Variants in MBOAT2 observed in about 807,000 individuals in gnomAD.
MBOAT2 encodes membrane-bound glycerophospholipid O-acyltransferase 2.
MBOAT2 carries 28 observed loss-of-function variants against 63.4 expected under a neutral mutation model. That is an observed-to-expected ratio of 0.44 (90% CI 0.33 to 0.61). The LOEUF (loss-of-function observed/expected upper bound fraction) is 0.61. Among genes scored for constraint, MBOAT2 ranks in the 20% least tolerant of loss-of-function variants. MBOAT2 has a pLI of 0.03. For synonymous variants in MBOAT2, 211 were observed against 215.6 expected, an observed-to-expected ratio of 0.98 and a Z score of 0.19; for missense variants, 470 against 605.8, an observed-to-expected ratio of 0.78 and a Z score of 2.35.
intron 1 of MBOAT2, among the ~76,000 whole-genome samples, chr2:8,991,064 G>A (rs1243055263): frequency 6.6e-6 from 1 of 152,128 alleles, no homozygotes; most frequent in African/African-American, 2.4e-5. Flanking sequence ...AAGAACAGCT[G>A]TGTCAGTCCT....
chr2:8,862,086 C>T lies in MBOAT2; in HGVS notation c.1185+504G>A, dbSNP rs79357442. Among the ~76,000 whole-genome samples, 606 of 152,286 alleles carry T rather than the reference C, an allele frequency of 4.0e-3. 2 individuals carry two copies. The highest frequency in any genetic ancestry group is 0.01 in the Middle Eastern group (3 of 294). ...CTTCTCCTTATTTCTTTCATGTCAC[C>T]AACCTAATTTCTCAATTGTTTCCCC... On this transcript the variant is annotated intron_variant, in intron 11 of 12. Coordinates refer to ENST00000305997, the MANE Select transcript of MBOAT2 (RefSeq NM_138799.4). The surrounding 1 kb of genome is among the most constrained non-coding windows in gnomAD (Gnocchi z 4.3).
At chr2:8,880,099 A>C (rs1663002510) in intron 6 of MBOAT2, among the ~76,000 whole-genome samples, 1 of 152,068 alleles carries the variant, frequency 6.6e-6, no homozygotes, top group Non-Finnish European at 1.5e-5. Flanking sequence ...GGACAGGAGT[A>C]ATATAATCCA....
intron 3 of MBOAT2, among the ~76,000 whole-genome samples, chr2:8,910,310 G>C (rs746599856): frequency 6.6e-6 from 1 of 152,054 alleles, no homozygotes; most frequent in Admixed American, 6.6e-5. Context: ...AAGGAGAGAG[G>C]AGCAGCGTGG....
intron 3 of MBOAT2, among the ~76,000 whole-genome samples, chr2:8,931,184 C>T (rs563880955): frequency 6.6e-6 from 1 of 152,200 alleles, no homozygotes; most frequent in Non-Finnish European, 1.5e-5. Context: ...CACAGCCTCA[C>T]CAGCATGTTG....
chr2:8,910,666 G>A (rs1395813143), intron 3 of MBOAT2, among the ~76,000 whole-genome samples: 2 of 152,168 alleles, frequency 1.3e-5, no homozygotes, highest in African/African-American at 4.8e-5. Flanking sequence ...CAAGGGTGTT[G>A]TCACACAGCA....
chr2:8,984,556 C>T (rs924738906), intron 1 of MBOAT2, among the ~76,000 whole-genome samples: 11 of 152,106 alleles, frequency 7.2e-5, no homozygotes, highest in African/African-American at 1.9e-4. Flanking sequence ...TGGCTTTCAT[C>T]ATCCTCTAAA....
chr2:8,887,424 G>A (rs1445556915), intron 5 of MBOAT2, among the ~76,000 whole-genome samples: 1 of 152,116 alleles, frequency 6.6e-6, no homozygotes, highest in Non-Finnish European at 1.5e-5. Context: ...CAGGATGGGT[G>A]GAGACACAGT....
At chr2:8,902,418 T>C (rs535444817) in intron 4 of MBOAT2, among the ~76,000 whole-genome samples, 1 of 152,186 alleles carries the variant, frequency 6.6e-6, no homozygotes, top group East Asian at 1.9e-4. Flanking sequence ...TTGCAGTGAG[T>C]GTTACAGTTC....
chr2:8,911,751 T>C (rs1385573831), intron 3 of MBOAT2, among the ~76,000 whole-genome samples: 2 of 152,186 alleles, frequency 1.3e-5, no homozygotes, highest in African/African-American at 2.4e-5. Context: ...CTGCCACATG[T>C]AGAAGCAGCC....
intron 1 of MBOAT2, among the ~76,000 whole-genome samples, chr2:8,997,004 G>A (rs1672357151): frequency 6.6e-6 from 1 of 152,148 alleles, no homozygotes; most frequent in South Asian, 2.1e-4. Context: ...GGGAAGCCAT[G>A]GTAGAAGAGG....
rs146974306 is a variant in MBOAT2, at chr2:8,858,012, C to A, written c.*667G>T. On this transcript the variant is annotated 3_prime_UTR_variant, in exon 13 of 13. Coordinates refer to ENST00000305997, the MANE Select transcript of MBOAT2 (RefSeq NM_138799.4). ...CTTCTGGAAGCGCTCTTTGACTGCA[C>A]AAGGTAATTAAACTCTCCAGCAAAA... 2 of 152,638 alleles carry A rather than the reference C, an allele frequency of 1.3e-5. No individual in the cohort carries two copies. Among genetic ancestry groups the A allele is most frequent in the African/African-American group, 2.4e-5 (1 of 41,450 alleles). The allele number at this position is 152,638 out of a possible 1,614,324, so 9.5% of individuals were successfully genotyped here. A position where few individuals can be genotyped will look rare whatever the true frequency, so the allele number is the denominator to read the frequency against.
chr2:8,973,370 G>A (rs1244671680), intron 1 of MBOAT2, among the ~76,000 whole-genome samples: 2 of 132,974 alleles, frequency 1.5e-5, no homozygotes, highest in African/African-American at 5.5e-5. Flanking sequence ...GGCCTGTCGT[G>A]GGGTGGGGGG....
rs1661107494 is a variant in MBOAT2, at chr2:8,856,683, T to G, written c.*1996A>C. The G allele has an allele frequency of 6.6e-6, 1 of 152,130 alleles. No homozygotes were observed. The highest frequency in any genetic ancestry group is 2.4e-5 in the African/African-American group (1 of 41,398). 9.4% of individuals were successfully genotyped at this position (152,130 alleles called of 1,614,324 possible). A position where few individuals can be genotyped will look rare whatever the true frequency, so the allele number is the denominator to read the frequency against. ...AATTCTCCTGCCTCAGCCTCCCAAG[T>G]AGCTGGGATTACAGGTGTGCGCCAC... On this transcript the variant is annotated 3_prime_UTR_variant, in exon 13 of 13. Coordinates refer to ENST00000305997, the MANE Select transcript of MBOAT2 (RefSeq NM_138799.4). The surrounding 1 kb of genome is among the most constrained non-coding windows in gnomAD (Gnocchi z 4.2).
At chr2:8,873,066 G>T in intron 8 of MBOAT2, 42 bp downstream of exon 8, 2 of 1,563,734 alleles carry the variant, frequency 1.3e-6, no homozygotes, top group Non-Finnish European at 1.8e-6. Context: ...GGTAAGAAAC[G>T]CTTCAACCAG....
At chr2:8,918,503 G>A (rs760509471) in intron 3 of MBOAT2, among the ~76,000 whole-genome samples, 1 of 152,178 alleles carries the variant, frequency 6.6e-6, no homozygotes, top group Non-Finnish European at 1.5e-5. Flanking sequence ...CTGGAAACCA[G>A]CACTGATGGA....
rs536294112 is a variant in MBOAT2 at position 8,896,322 on chromosome 2, G to A, written c.396-8249C>T. Among the ~76,000 whole-genome samples, 49 of 151,544 alleles carry A rather than the reference G, an allele frequency of 3.2e-4. 1 individual carries two copies. Among genetic ancestry groups the A allele is most frequent in the African/African-American group, 1.0e-3 (42 of 41,264 alleles). Reference sequence around the variant, plus strand: ...TCCCGTAAAGGCCGGGTGGCATCTCGTAATATCCCTGACTGGTTAGTGTAA... The same window carrying A: ...TCCCGTAAAGGCCGGGTGGCATCTCATAATATCCCTGACTGGTTAGTGTAA... On this transcript the variant is annotated intron_variant, in intron 4 of 12. Transcript: ENST00000305997.
chr2:8,974,385 C>T (rs757680147), intron 1 of MBOAT2: 8 of 456,318 alleles, frequency 1.8e-5, no homozygotes, highest in African/African-American at 8.0e-5. Flanking sequence ...CTGCCAGGTA[C>T]GTGAGACACA....
intron 4 of MBOAT2, among the ~76,000 whole-genome samples, chr2:8,901,934 G>C (rs1378314205): frequency 6.6e-6 from 1 of 152,232 alleles, no homozygotes; most frequent in Non-Finnish European, 1.5e-5. Context: ...CAGGAGGCAA[G>C]GGTCAGGATA....
chr2:8,896,721 C>T (rs566767014), intron 4 of MBOAT2, among the ~76,000 whole-genome samples: 1 of 152,212 alleles, frequency 6.6e-6, no homozygotes, highest in East Asian at 1.9e-4. Flanking sequence ...ACAGCTCACA[C>T]GTTTGAGCAG....
Sources: allele counts gnomAD v4.1 joint callset (sites outside exome capture counted in the v4.1 genomes callset), GRCh38; gene constraint gnomAD v4.1.1; non-coding constraint Gnocchi (gnomAD v3.1); transcripts MANE v1.5; gene names NCBI Gene and HGNC (gene_info 2026-07-23, HGNC 2026-07-21).